SAMD5: variants seen among roughly 807,000 people sequenced by gnomAD.
The protein encoded by SAMD5 is sterile alpha motif domain-containing protein 5.
In SAMD5, 13 loss-of-function variants were observed where a neutral mutation model predicts 11.3. The observed-to-expected ratio is 1.15, with a 90% confidence interval of 0.75 to 1.83. SAMD5 has a LOEUF of 1.83. SAMD5 is among the 40% of genes most tolerant of loss of function. The pLI is 0.00. For missense variants in SAMD5, 255 were observed against 239.1 expected, an observed-to-expected ratio of 1.07 and a Z score of -0.44; for synonymous variants, 129 against 111.3, an observed-to-expected ratio of 1.16 and a Z score of -1.00.
At chr6:147,890,605 C>T in the SAMD5 span, among the ~76,000 whole-genome samples, 1 of 152,114 alleles carries the variant, frequency 6.6e-6, no homozygotes, top group Non-Finnish European at 1.5e-5. Context: ...GTGATCCACC[C>T]AACTTGGCCT....
the SAMD5 span, among the ~76,000 whole-genome samples, chr6:147,943,707 A>G: frequency 1.4e-4 from 21 of 151,976 alleles, no homozygotes; most frequent in Non-Finnish European, 5.9e-5. Context: ...GTTCTCTGCT[A>G]TATTCTTATC....
At chr6:147,829,300 G>A in the SAMD5 span, among the ~76,000 whole-genome samples, 39 of 152,296 alleles carry the variant, frequency 2.6e-4, no homozygotes, top group Admixed American at 5.9e-4. Flanking sequence ...CTGAGAATGC[G>A]AGGAGAAGCT....
the SAMD5 span, among the ~76,000 whole-genome samples, chr6:147,762,720 C>T: frequency 6.6e-6 from 1 of 152,242 alleles, no homozygotes; most frequent in Non-Finnish European, 1.5e-5. Context: ...TAGCAGAACC[C>T]GAAGTAGAGC....
intron 1 of SAMD5, among the ~76,000 whole-genome samples, chr6:147,645,196 T>TTG (rs1790379833): frequency 2.0e-5 from 3 of 152,248 alleles, no homozygotes; most frequent in Non-Finnish European, 4.4e-5. Context: ...GAAATGCCAC[T>TTG]AGCAGTTGAT....
chr6:147,921,941 T>C, the SAMD5 span, among the ~76,000 whole-genome samples: 1 of 152,180 alleles, frequency 6.6e-6, no homozygotes, highest in African/African-American at 2.4e-5. Context: ...AGGATAGAAG[T>C]ATTTTATATA....
the SAMD5 span, among the ~76,000 whole-genome samples, chr6:147,772,019 A>G: frequency 6.6e-6 from 1 of 152,170 alleles, no homozygotes; most frequent in Non-Finnish European, 1.5e-5. Flanking sequence ...GAGTCCACAT[A>G]TTCTGTTGTC....
chr6:147,830,941 A>G, the SAMD5 span, among the ~76,000 whole-genome samples: 26,521 of 152,178 alleles, frequency 0.17, 2,478 homozygotes, highest in Middle Eastern at 0.26. Context: ...CACTTTCCCA[A>G]TGGAATATAC....
chr6:147,601,594 A>G (rs753492802), intron 1 of SAMD5, among the ~76,000 whole-genome samples: 24 of 152,166 alleles, frequency 1.6e-4, no homozygotes, highest in Non-Finnish European at 2.8e-4. Context: ...ACGTCCATGT[A>G]CACGTCGTTT....
chr6:147,712,360 T>C (rs1318520311), intron 1 of SAMD5, among the ~76,000 whole-genome samples: 1 of 152,230 alleles, frequency 6.6e-6, no homozygotes, highest in East Asian at 1.9e-4. Flanking sequence ...TCTAGACTTT[T>C]AAAACAGACA....
At chr6:147,837,893 A>G in the SAMD5 span, among the ~76,000 whole-genome samples, 1 of 152,192 alleles carries the variant, frequency 6.6e-6, no homozygotes, top group African/African-American at 2.4e-5. Flanking sequence ...ATGAGAGGCC[A>G]AATTCACCTA....
intron 1 of SAMD5, among the ~76,000 whole-genome samples, chr6:147,526,351 G>A (rs1425723945): frequency 2.0e-5 from 3 of 152,214 alleles, no homozygotes; most frequent in Non-Finnish European, 4.4e-5. Context: ...GGAATTCAAA[G>A]GTGACAATAC....
chr6:147,611,622 G>C (rs936519663), intron 1 of SAMD5, among the ~76,000 whole-genome samples: 7 of 152,234 alleles, frequency 4.6e-5, no homozygotes, highest in Middle Eastern at 3.4e-3. Context: ...GACAACCACT[G>C]TGACCTGCAG....
chr6:147,510,445 A>G (rs1261018905), intron 1 of SAMD5, among the ~76,000 whole-genome samples: 3 of 152,212 alleles, frequency 2.0e-5, no homozygotes, highest in African/African-American at 7.2e-5. Flanking sequence ...CAGCTTAAAA[A>G]TCAAGACTTA....
the SAMD5 span, among the ~76,000 whole-genome samples, chr6:147,923,340 A>G: frequency 6.6e-6 from 1 of 152,170 alleles, no homozygotes; most frequent in Non-Finnish European, 1.5e-5. Flanking sequence ...AGTTATTTCT[A>G]TGTATATATG....
the SAMD5 span, among the ~76,000 whole-genome samples, chr6:147,858,146 C>T: frequency 6.6e-6 from 1 of 152,110 alleles, no homozygotes; most frequent in Non-Finnish European, 1.5e-5. Flanking sequence ...TGGAGGGGAT[C>T]TGTAGCCCCC....
chr6:147,595,345 C>A (rs1159448879), intron 1 of SAMD5, among the ~76,000 whole-genome samples: 2 of 152,008 alleles, frequency 1.3e-5, no homozygotes, highest in Non-Finnish European at 2.9e-5. Flanking sequence ...CTTATTTACA[C>A]CATTAGTTTG....
chr6:147,766,338 TG>T, the SAMD5 span, among the ~76,000 whole-genome samples: 2 of 151,970 alleles, frequency 1.3e-5, no homozygotes, highest in South Asian at 4.2e-4. Flanking sequence ...CCAAATTAAA[TG>T]GGCCCACCAA....
the SAMD5 span, among the ~76,000 whole-genome samples, chr6:147,747,846 T>C: frequency 6.6e-6 from 1 of 152,262 alleles, no homozygotes; most frequent in Non-Finnish European, 1.5e-5. Flanking sequence ...CCATTAATTT[T>C]AATACCATTT....
chr6:147,854,974 C>G, the SAMD5 span, among the ~76,000 whole-genome samples: 1 of 152,014 alleles, frequency 6.6e-6, no homozygotes, highest in African/African-American at 2.4e-5. Flanking sequence ...CAGTTTTGTA[C>G]TAATGCTGTG....
Sources: allele counts gnomAD v4.1 joint callset (sites outside exome capture counted in the v4.1 genomes callset), GRCh38; gene constraint gnomAD v4.1.1; transcripts MANE v1.5; gene names NCBI Gene and HGNC (gene_info 2026-07-23, HGNC 2026-07-21).